The following GPC6 variants were observed in gnomAD, a reference collection of about 807,000 sequenced individuals.
GPC6 encodes glypican 6, also known as glypican-6.
GPC6 carries 14 observed loss-of-function variants against 55.2 expected under a neutral mutation model. That is an observed-to-expected ratio of 0.25 (90% CI 0.17 to 0.40). The LOEUF is 0.40. Ranked by LOEUF, GPC6 falls within the 10% of genes least tolerant of loss-of-function variation. The pLI is 1.00. For missense variants in GPC6, 641 were observed against 708.5 expected (o/e 0.90, Z 1.08); for synonymous variants, 278 against 259.6 (o/e 1.07, Z -0.68).
chr13:93,252,546 A>T (rs1876821729), intron 1 of GPC6, among the ~76,000 whole-genome samples: 1 of 152,152 alleles, frequency 6.6e-6, no homozygotes, highest in Non-Finnish European at 1.5e-5. Flanking sequence ...CATTTGCCCT[A>T]AGCCTCTTGG....
At chr13:93,248,083 T>C (rs1323814639) in intron 1 of GPC6, among the ~76,000 whole-genome samples, 1 of 152,202 alleles carries the variant, frequency 6.6e-6, no homozygotes, top group Non-Finnish European at 1.5e-5. Flanking sequence ...CATAAGCTGG[T>C]TGCTGTGATT....
chr13:93,223,512 C>T (rs1005214052), upstream of GPC6, among the ~76,000 whole-genome samples: 5 of 152,040 alleles, frequency 3.3e-5, no homozygotes, highest in Non-Finnish European at 7.4e-5. Flanking sequence ...GGCGTGATCT[C>T]TGCTCACTGT....
intron 2 of GPC6, among the ~76,000 whole-genome samples, chr13:93,688,865 G>A (rs1354085552): frequency 6.6e-6 from 1 of 152,014 alleles, no homozygotes; most frequent in Non-Finnish European, 1.5e-5. Flanking sequence ...ACACAACATT[G>A]TGAATATGTC....
chr13:93,402,513 T>G (rs1876129890), intron 1 of GPC6, among the ~76,000 whole-genome samples: 1 of 152,184 alleles, frequency 6.6e-6, no homozygotes, highest in African/African-American at 2.4e-5. Context: ...CTGCATTTGA[T>G]GCATGAAATA....
At chr13:93,811,828 T>C (rs561418792) in intron 2 of GPC6, among the ~76,000 whole-genome samples, 65 of 152,122 alleles carry the variant, frequency 4.3e-4, no homozygotes, top group Admixed American at 3.3e-4. Context: ...TTAAATCCCA[T>C]ACATGCAAAA....
chr13:93,500,701 T>C (rs1183236423), intron 1 of GPC6, among the ~76,000 whole-genome samples: 3 of 152,150 alleles, frequency 2.0e-5, no homozygotes, highest in African/African-American at 7.2e-5. Context: ...ATAACGAAAA[T>C]CTTGTTCTTG....
chr13:93,634,149 G>C (rs1472715597), intron 2 of GPC6, among the ~76,000 whole-genome samples: 1 of 152,128 alleles, frequency 6.6e-6, no homozygotes, highest in African/African-American at 2.4e-5. Flanking sequence ...AAATTAATAA[G>C]TGTGATCTTA....
chr13:93,862,223 C>T (rs1458785154), intron 3 of GPC6, among the ~76,000 whole-genome samples: 1 of 151,530 alleles, frequency 6.6e-6, no homozygotes, highest in African/African-American at 2.4e-5. Context: ...AAGTTCTCTC[C>T]CACAGTAACA....
At position 93,393,107 on chromosome 13, in the gene GPC6, GATATATATAT is replaced by G. The variant is rs374414019; in HGVS notation, c.161-152144_161-152135del. On this transcript the variant is annotated intron_variant, in intron 1 of 8. Transcript: ENST00000377047. ...TATATAGAGAAAAATATGTATATTT[GATATATATAT>G]ATATATATATAGAGAGAGAGAGAGA... Among the ~76,000 whole-genome samples, 22 of 114,772 alleles carry G rather than the reference GATATATATAT, an allele frequency of 1.9e-4. No homozygotes were observed. In the South Asian group the frequency reaches 5.5e-3, roughly 29 times the overall value. 75.3% of individuals were successfully genotyped at this position (114,772 alleles called of 152,430 possible). A position where few individuals can be genotyped will look rare whatever the true frequency, so the allele number is the denominator to read the frequency against.
chr13:93,498,233 C>T (rs971925624), intron 1 of GPC6, among the ~76,000 whole-genome samples: 3 of 152,198 alleles, frequency 2.0e-5, no homozygotes, highest in Admixed American at 6.5e-5. Context: ...CCAGCTCTGG[C>T]CTTTGGATGT....
intron 4 of GPC6, among the ~76,000 whole-genome samples, chr13:94,034,583 T>A (rs1883269029): frequency 6.6e-6 from 1 of 152,078 alleles, no homozygotes; most frequent in African/African-American, 2.4e-5. Context: ...CTAAAATTGC[T>A]GGATACAATA....
chr13:94,378,352 G>A (rs569937561), intron 6 of GPC6, among the ~76,000 whole-genome samples: 43 of 152,208 alleles, frequency 2.8e-4, no homozygotes, highest in African/African-American at 9.9e-4. Flanking sequence ...TTTGGAGCAA[G>A]ATTAATTCTT....
Position 94,398,586 on chromosome 13 carries a change from G to T in GPC6, c.1410G>T (p.Met470Ile). The part of the protein sequence containing the change: ...IRQQIMALRV[M>I]TNKLKNAYNG... ...AGCAGATTATGGCTCTCCGTGTGAT[G>T]ACCAACAAACTAAAAAACGCCTACA... is the stretch of plus-strand genomic sequence containing the variant. Residue 470 changes from methionine to isoleucine, a missense_variant, in exon 8 of 9, where the codon ATG (methionine) becomes ATT (isoleucine). Physicochemically the swap from Met to Ile is conservative, Grantham distance 10. Coordinates refer to ENST00000377047, the MANE Select transcript of GPC6 (RefSeq NM_005708.5). 1 of 1,614,092 alleles carries T rather than the reference G, an allele frequency of 6.2e-7. No homozygotes were observed. Among genetic ancestry groups the T allele is most frequent in the Non-Finnish European group, 8.5e-7 (1 of 1,179,954 alleles).
intron 3 of GPC6, among the ~76,000 whole-genome samples, chr13:93,998,070 C>T (rs1881636334): frequency 6.6e-6 from 1 of 152,122 alleles, no homozygotes; most frequent in Admixed American, 6.6e-5. Context: ...ATCGAAAGCA[C>T]TTATTTATAG....
intron 2 of GPC6, among the ~76,000 whole-genome samples, chr13:93,747,794 C>T (rs956427533): frequency 1.3e-5 from 2 of 152,144 alleles, no homozygotes; most frequent in Non-Finnish European, 2.9e-5. Flanking sequence ...GCATCTTCAA[C>T]TTACCATTGT....
At chr13:93,461,144 G>A (rs1878671305) in intron 1 of GPC6, among the ~76,000 whole-genome samples, 1 of 152,030 alleles carries the variant, frequency 6.6e-6, no homozygotes, top group Admixed American at 6.6e-5. Context: ...ATCGTAAAAT[G>A]TATAATACTA....
intron 1 of GPC6, among the ~76,000 whole-genome samples, chr13:93,449,711 C>T (rs537618603): frequency 5.3e-5 from 8 of 151,984 alleles, no homozygotes; most frequent in Admixed American, 4.6e-4. Flanking sequence ...ACCTGTAATC[C>T]CAGCTACTCG....
intron 2 of GPC6, among the ~76,000 whole-genome samples, chr13:93,736,122 T>TA (rs1287935958): frequency 6.6e-6 from 1 of 152,142 alleles, no homozygotes; most frequent in Non-Finnish European, 1.5e-5. Context: ...CTTTCTTTGC[T>TA]AAAAAAGACA....
At chr13:93,702,910 A>G (rs1442779409) in intron 2 of GPC6, among the ~76,000 whole-genome samples, 2 of 151,976 alleles carry the variant, frequency 1.3e-5, no homozygotes, top group African/African-American at 4.8e-5. Flanking sequence ...CCAGACCCCT[A>G]AAACTTTCTT....
Sources: allele counts gnomAD v4.1 joint callset (sites outside exome capture counted in the v4.1 genomes callset), GRCh38; gene constraint gnomAD v4.1.1; transcripts MANE v1.5; gene names NCBI Gene and HGNC (gene_info 2026-07-23, HGNC 2026-07-21).